Variants in SASH1 observed in about 807,000 individuals in gnomAD.
The protein encoded by SASH1 is SAM and SH3 domain containing 1.
SASH1 carries 44 observed loss-of-function variants against 125.2 expected under a neutral mutation model. The ratio of observed to expected loss-of-function variants is 0.35; its 90% CI spans 0.28 to 0.45. The LOEUF (loss-of-function observed/expected upper bound fraction) is 0.45, where lower values mean the gene tolerates loss of function less well. SASH1 is among the 20% of genes least tolerant of loss of function. SASH1 has a pLI of 1.00. For synonymous variants in SASH1, 639 were observed against 649.1 expected, an observed-to-expected ratio of 0.98 and a Z score of 0.24; for missense variants, 1,426 against 1,614.5, an observed-to-expected ratio of 0.88 and a Z score of 2.00.
intron 2 of SASH1, among the ~76,000 whole-genome samples, chr6:148,430,420 C>T (rs1776014678): frequency 6.6e-6 from 1 of 152,246 alleles, no homozygotes; most frequent in Non-Finnish European, 1.5e-5. Flanking sequence ...CAGCCTTCGC[C>T]TCCTGGGTTC....
intron 1 of SASH1, among the ~76,000 whole-genome samples, chr6:148,388,838 C>T (rs1341421135): frequency 6.6e-6 from 1 of 152,028 alleles, no homozygotes; most frequent in Non-Finnish European, 1.5e-5. Flanking sequence ...AAGGGGTTGG[C>T]TAGCAGTCTG....
intron 4 of SASH1, among the ~76,000 whole-genome samples, chr6:148,446,385 G>A (rs1440567892): frequency 6.6e-6 from 1 of 152,164 alleles, no homozygotes; most frequent in Non-Finnish European, 1.5e-5. Context: ...TGGGATGACA[G>A]GCGTGAGCCA....
At chr6:148,278,222 A>C (rs1194010201) in intron 1 of SASH1, among the ~76,000 whole-genome samples, 2 of 151,972 alleles carry the variant, frequency 1.3e-5, no homozygotes, top group African/African-American at 4.8e-5. Flanking sequence ...TTTTTAATAG[A>C]GATGGGGTTT....
chr6:148,317,939 T>C (rs1262533789), intron 1 of SASH1, among the ~76,000 whole-genome samples: 2 of 152,210 alleles, frequency 1.3e-5, no homozygotes, highest in Admixed American at 1.3e-4. Flanking sequence ...TCTGAAACTG[T>C]TGAGAAAAGA....
chr6:148,386,503 T>A lies in SASH1; in HGVS notation c.157-3631T>A, dbSNP rs548909499. On this transcript the variant is annotated intron_variant, in intron 1 of 19. Coordinates refer to ENST00000367467, the MANE Select transcript of SASH1 (RefSeq NM_015278.5). ...CTCTGTGTATAAGAGACAGAGAGAG[T>A]GATGGATTTCTATTCCAGACCAGAA... Among the ~76,000 whole-genome samples the A allele has an allele frequency of 2.0e-5, 3 of 151,528 alleles. No homozygotes were observed. In the South Asian group the frequency reaches 6.3e-4, roughly 32 times the overall value.
intron 1 of SASH1, among the ~76,000 whole-genome samples, chr6:148,361,914 CTT>C (rs745596285): frequency 9.6e-5 from 12 of 125,468 alleles, no homozygotes; most frequent in South Asian, 2.7e-4. Flanking sequence ...TTTTCTTTTT[CTT>C]TTTTTTTTTT....
intron 8 of SASH1, chr6:148,509,449 C>G (rs997694317): frequency 6.4e-6 from 1 of 155,056 alleles, no homozygotes; most frequent in Non-Finnish European, 1.4e-5. Context: ...ATTGTGACAG[C>G]GTGTCGTGTG....
chr6:148,302,311 CAAAAAAAAAAAAAAA>C lies in SASH1; in HGVS notation n.74+29950_74+29964del, dbSNP rs1174644909. ...TGGGCGACAGAGCAAGACTCCGTCT[CAAAAAAAAAAAAAAA>C]AAAAAAAAAAAAAAACTAGTAATAT... On this transcript the variant is annotated intron_variant and non_coding_transcript_variant, in intron 1 of 3. Coordinates refer to the SASH1 transcript ENST00000367469. Among the ~76,000 whole-genome samples the C allele has an allele frequency of 1.3e-4, 6 of 44,888 alleles. No homozygotes were observed. In the Admixed American group the frequency reaches 2.4e-3, roughly 18 times the overall value. The allele number at this position is 44,888 out of a possible 152,430, so 29.4% of individuals were successfully genotyped here. A position where few individuals can be genotyped will look rare whatever the true frequency, so the allele number is the denominator to read the frequency against.
intron 2 of SASH1, among the ~76,000 whole-genome samples, chr6:148,426,034 C>T (rs1042806028): frequency 5.2e-4 from 79 of 151,880 alleles, no homozygotes; most frequent in African/African-American, 1.8e-3. Context: ...CATGGTGAAA[C>T]CTGGTCTCTA....
Position 148,548,471 on chromosome 6 carries a change from G to A in SASH1, c.3657G>A (p.Glu1219=), listed in dbSNP as rs1463980600. ...CTCTGTCTCACACTTGCCTTCAGGAGGCCGGCATCACAGAGGAGAGACACA... is the reference window on the plus strand; with the variant it reads ...CTCTGTCTCACACTTGCCTTCAGGAAGCCGGCATCACAGAGGAGAGACACA... ...VPSLSHTCLQ[E]AGITEERHIR... Residue 1219 remains glutamate (E), a synonymous_variant, in exon 20 of 20, where the codon GAG becomes GAA. Transcript: ENST00000367467. 2.5e-6 allele frequency: 4 copies of A among 1,614,122 alleles called. No homozygotes were observed. In the African/African-American group the frequency reaches 4.0e-5, roughly 16 times the overall value.
chr6:148,419,872 G>A (rs1784983099), intron 2 of SASH1, among the ~76,000 whole-genome samples: 1 of 152,088 alleles, frequency 6.6e-6, no homozygotes, highest in Non-Finnish European at 1.5e-5. Flanking sequence ...AGCTGATTGA[G>A]GCCAGTTAAG....
At chr6:148,490,105 A>G (rs1253096985) in intron 8 of SASH1, among the ~76,000 whole-genome samples, 1 of 150,704 alleles carries the variant, frequency 6.6e-6, no homozygotes, top group Non-Finnish European at 1.5e-5. Flanking sequence ...TTTCCTTTCC[A>G]TCTTACGTAC....
At chr6:148,393,958 T>G (rs1357533796) in intron 2 of SASH1, among the ~76,000 whole-genome samples, 4 of 149,662 alleles carry the variant, frequency 2.7e-5, no homozygotes, top group Non-Finnish European at 5.9e-5. Context: ...AATGTCATGG[T>G]CTCGGCTCAC....
chr6:148,243,752 G>GT, the SASH1 span, among the ~76,000 whole-genome samples: 2 of 150,992 alleles, frequency 1.3e-5, no homozygotes, highest in African/African-American at 4.9e-5. Flanking sequence ...CTAAACAAAC[G>GT]TGACAGTCAT....
chr6:148,496,134 G>C (rs1201644771), intron 8 of SASH1, among the ~76,000 whole-genome samples: 1 of 151,946 alleles, frequency 6.6e-6, no homozygotes, highest in Non-Finnish European at 1.5e-5. Flanking sequence ...AGGCGTGTTT[G>C]ATAAGGAAGT....
chr6:148,302,691 A>G (rs755756803), intron 1 of SASH1, among the ~76,000 whole-genome samples: 13 of 150,668 alleles, frequency 8.6e-5, no homozygotes, highest in Non-Finnish European at 1.6e-4. Flanking sequence ...GGAGAAATAT[A>G]TATATACACA....
At chr6:148,310,344 T>C (rs770688671) in intron 1 of SASH1, among the ~76,000 whole-genome samples, 2 of 151,188 alleles carry the variant, frequency 1.3e-5, no homozygotes, top group African/African-American at 2.4e-5. Flanking sequence ...ACTTAGCCTC[T>C]AGAATCAAAA....
Position 148,471,380 on chromosome 6 carries a change from T to G in SASH1, c.428-37T>G, listed in dbSNP as rs566825200. The G allele has an allele frequency of 6.3e-6, 8 of 1,277,252 alleles. No individual in the cohort carries two copies. In the East Asian group the frequency reaches 1.8e-4, roughly 29 times the overall value. The allele number at this position is 1,277,252 out of a possible 1,614,324, so 79.1% of individuals were successfully genotyped here. On this transcript the variant is annotated intron_variant, in intron 5 of 19. Transcript: ENST00000367467. ...AATGATGAATTTATTGCTTGTGCTTTTTGTTCTTTTTTTTTTTTTTTTTTT... is the reference window on the plus strand; with the variant it reads ...AATGATGAATTTATTGCTTGTGCTTGTTGTTCTTTTTTTTTTTTTTTTTTT...
chr6:148,537,402 C>G (rs1001995116), intron 16 of SASH1, among the ~76,000 whole-genome samples: 1 of 152,156 alleles, frequency 6.6e-6, no homozygotes, highest in Admixed American at 6.5e-5. Context: ...AAGCCTCTTA[C>G]AAATTGCTAA....
Sources: allele counts gnomAD v4.1 joint callset (sites outside exome capture counted in the v4.1 genomes callset), GRCh38; gene constraint gnomAD v4.1.1; transcripts MANE v1.5; gene names NCBI Gene and HGNC (gene_info 2026-07-23, HGNC 2026-07-21).